Variants in ABHD2 observed in about 807,000 individuals in gnomAD.
ABHD2 encodes abhydrolase domain containing 2, acylglycerol lipase.
ABHD2 carries 20 observed loss-of-function variants against 48.1 expected under a neutral mutation model. The observed-to-expected ratio is 0.42, with a 90% CI of 0.29 to 0.60. The LOEUF (loss-of-function observed/expected upper bound fraction) is 0.60, where lower values mean the gene tolerates loss of function less well. ABHD2 is among the 20% of genes least tolerant of loss of function. ABHD2 has a pLI of 0.24. For synonymous variants in ABHD2, 209 were observed against 214.2 expected, an observed-to-expected ratio of 0.98 and a Z score of 0.21; for missense variants, 405 against 550.9, an observed-to-expected ratio of 0.74 and a Z score of 2.65.
At chr15:89,058,184 A>G in the ABHD2 span, among the ~76,000 whole-genome samples, 1 of 152,108 alleles carries the variant, frequency 6.6e-6, no homozygotes. Flanking sequence ...CTCCTTGGAG[A>G]TCCATTCCCC....
chr15:89,186,073 T>C lies in ABHD2; in HGVS notation c.815+557T>C, dbSNP rs983946961. 1.3e-5 allele frequency among the ~76,000 whole-genome samples: 2 copies of C among 152,174 alleles called. No homozygotes were observed. The highest frequency in any genetic ancestry group is 1.5e-5 in the Non-Finnish European group (1 of 68,034). On this transcript the variant is annotated intron_variant, in intron 7 of 10. Coordinates refer to ENST00000352732, the MANE Select transcript of ABHD2 (RefSeq NM_152924.5). The surrounding 1 kb of genome is among the most constrained non-coding windows in gnomAD (Gnocchi z 4.3). ...ACAATGAACCACTTCCACACCCTTT[T>C]CTCCCAAATTAGAGCAGTCACGAGG...
At chr15:89,143,024 A>G (rs1322141604) in intron 3 of ABHD2, among the ~76,000 whole-genome samples, 1 of 152,158 alleles carries the variant, frequency 6.6e-6, no homozygotes. Flanking sequence ...AATACAATAC[A>G]GTTAAATTTT....
chr15:89,089,953 A>C (rs1901527628), intron 1 of ABHD2, among the ~76,000 whole-genome samples: 1 of 152,186 alleles, frequency 6.6e-6, no homozygotes, highest in Non-Finnish European at 1.5e-5. Context: ...AAGTCTAATT[A>C]GGTGGACTCT....
rs7180950 is a variant in ABHD2, at chr15:89,174,933, C to G, written c.539-879C>G. 0.22 allele frequency among the ~76,000 whole-genome samples: 33,558 copies of G among 152,070 alleles called. 5,389 individuals carry two copies. Among genetic ancestry groups the G allele is most frequent in the African/African-American group, 0.45 (18,691 of 41,420 alleles). ...GCAAATGAGGCCCAAACAACCCTCT[C>G]TGTTAAGAGGTCTCATCTGTGTATT... On this transcript the variant is annotated intron_variant, in intron 5 of 10. Coordinates refer to ENST00000352732, the MANE Select transcript of ABHD2 (RefSeq NM_152924.5). The surrounding 1 kb of genome is among the most constrained non-coding windows in gnomAD (Gnocchi z 4.1).
intron 10 of ABHD2, 96 bp downstream of exon 10, chr15:89,193,415 C>T: frequency 1.0e-6 from 1 of 957,238 alleles, no homozygotes; most frequent in Non-Finnish European, 1.7e-6. Flanking sequence ...GGAGACCACC[C>T]TCTTTAGGGA....
the ABHD2 span, among the ~76,000 whole-genome samples, chr15:89,055,031 G>C: frequency 6.6e-6 from 1 of 152,038 alleles, no homozygotes; most frequent in South Asian, 2.1e-4. Context: ...TCCAAGACCA[G>C]CCTCGGCAAC....
At chr15:89,142,957 A>G (rs1320314881) in intron 3 of ABHD2, among the ~76,000 whole-genome samples, 1 of 152,160 alleles carries the variant, frequency 6.6e-6, no homozygotes, top group Admixed American at 6.5e-5. Context: ...CTTTGGGAAA[A>G]TATTTTCTAA....
In ABHD2 at chr15:89,094,189, A is replaced by G. The variant is rs2049574164; in HGVS notation, c.-107+5626A>G. On this transcript the variant is annotated intron_variant, in intron 1 of 10. Transcript: ENST00000352732. This position sits in a 1 kb window ranked among gnomAD's most constrained non-coding sequence, Gnocchi z 4.7. ...TTCCAGGCTAGAGTGCAGTGGCCCGATCTCGGTGCACTGCAACCTCTGCTT... is the reference window on the plus strand; with the variant it reads ...TTCCAGGCTAGAGTGCAGTGGCCCGGTCTCGGTGCACTGCAACCTCTGCTT... 6.6e-6 allele frequency: 1 copy of G among 151,666 alleles called. No homozygotes were observed. Among genetic ancestry groups the G allele is most frequent in the South Asian group, 2.1e-4 (1 of 4,786 alleles). The allele number at this position is 151,666 out of a possible 1,614,324, so 9.4% of individuals were successfully genotyped here.
chr15:89,176,021 G>A lies in ABHD2; in HGVS notation c.722+26G>A. On this transcript the variant is annotated intron_variant, in intron 6 of 10. Coordinates refer to ENST00000352732, the MANE Select transcript of ABHD2 (RefSeq NM_152924.5). The surrounding 1 kb of genome is among the most constrained non-coding windows in gnomAD (Gnocchi z 4.5). ...GTGAGTCATCTCCGCCTTCCATCAG[G>A]GCCTTCAGTTAGCCCTTATTTATAG... is the stretch of plus-strand genomic sequence containing the variant. 2 of 1,570,180 alleles carry A rather than the reference G, an allele frequency of 1.3e-6. No homozygotes were observed. Among genetic ancestry groups the A allele is most frequent in the South Asian group, 1.2e-5 (1 of 86,274 alleles).
At chr15:89,113,196 G>A (rs1469238118) in intron 1 of ABHD2, among the ~76,000 whole-genome samples, 1 of 152,158 alleles carries the variant, frequency 6.6e-6, no homozygotes, top group Non-Finnish European at 1.5e-5. Flanking sequence ...GACCCTACAA[G>A]CAATGCAATC....
rs750163635 is a variant in ABHD2 at position 89,184,445 on chromosome 15, A to G, written c.723-979A>G. Among the ~76,000 whole-genome samples the G allele has an allele frequency of 2.0e-5, 3 of 152,154 alleles. No individual in the cohort carries two copies. Among genetic ancestry groups the G allele is most frequent in the African/African-American group, 7.2e-5 (3 of 41,432 alleles). On this transcript the variant is annotated intron_variant, in intron 6 of 10. Coordinates refer to ENST00000352732, the MANE Select transcript of ABHD2 (RefSeq NM_152924.5). This position sits in a 1 kb window ranked among gnomAD's most constrained non-coding sequence, Gnocchi z 5.1. ...ATTCACAGGGTGGAGTCAGGCCTGG[A>G]GATTTTGAAACGTGCAAGATAAAAG... is the stretch of plus-strand genomic sequence containing the variant.
chr15:89,117,406 G>T (rs1353340138), intron 3 of ABHD2, among the ~76,000 whole-genome samples: 1 of 152,214 alleles, frequency 6.6e-6, no homozygotes, highest in Admixed American at 6.5e-5. Flanking sequence ...AAGGGAATCT[G>T]CACTCTGTGT....
Position 89,158,724 on chromosome 15 carries a change from T to C in ABHD2, c.538+3190T>C, listed in dbSNP as rs139235405. Among the ~76,000 whole-genome samples the C allele has an allele frequency of 8.0e-4, 122 of 152,148 alleles. 3 individuals carry two copies. In the East Asian group the frequency reaches 0.011, roughly 14 times the overall value. On this transcript the variant is annotated intron_variant, in intron 5 of 10. Coordinates refer to ENST00000352732, the MANE Select transcript of ABHD2 (RefSeq NM_152924.5). ...ATTCTTTTTGTTTTGTTTTGTTTTG[T>C]TTTTTTGAGGCAGAGTCTCACTCTG...
At chr15:89,145,524 G>A (rs1380696508) in intron 3 of ABHD2, among the ~76,000 whole-genome samples, 3 of 152,158 alleles carry the variant, frequency 2.0e-5, no homozygotes, top group Non-Finnish European at 2.9e-5. Flanking sequence ...AATGTGGGCC[G>A]TGGGGTATCA....
the ABHD2 span, among the ~76,000 whole-genome samples, chr15:89,058,897 A>G: frequency 1.3e-5 from 2 of 151,500 alleles, no homozygotes; most frequent in Non-Finnish European, 3.0e-5. Flanking sequence ...TCAAGGGCAC[A>G]GAGTGCCATT....
At chr15:89,046,731 G>C in the ABHD2 span, among the ~76,000 whole-genome samples, 1 of 152,180 alleles carries the variant, frequency 6.6e-6, no homozygotes, top group Admixed American at 6.5e-5. Flanking sequence ...AGTTCTGTGG[G>C]ATCGGTGGTG....
intron 1 of ABHD2, among the ~76,000 whole-genome samples, chr15:89,093,030 C>T (rs1293548671): frequency 2.0e-5 from 3 of 151,528 alleles, no homozygotes; most frequent in Admixed American, 6.6e-5. Flanking sequence ...GAGTGAGGAA[C>T]GCATTGGTCC....
At chr15:89,078,043 A>G in the ABHD2 span, among the ~76,000 whole-genome samples, 56,974 of 152,010 alleles carry the variant, frequency 0.37, 11,667 homozygotes, top group Non-Finnish European at 0.47. Flanking sequence ...AAGTAAATTT[A>G]CCTTTCTCTC....
At position 89,185,445 on chromosome 15, in the gene ABHD2, A is replaced by G. The variant is rs145464697; in HGVS notation, c.744A>G (p.Gln248=). The G allele has an allele frequency of 3.7e-6, 6 of 1,613,944 alleles. No homozygotes were observed. In the African/African-American group the frequency reaches 5.3e-5, roughly 14 times the overall value. Residue 248 remains glutamine (Q), a synonymous_variant, in exon 7 of 11, where the codon CAA becomes CAG. Transcript: ENST00000352732. This position sits in a 1 kb window ranked among gnomAD's most constrained non-coding sequence, Gnocchi z 5.9. ...SALRAQETFM[Q]WDQCRRFYNF... ...CCAGGGCCCAGGAAACCTTCATGCA[A>G]TGGGATCAGTGCCGGCGGTTCTACA...
Sources: allele counts gnomAD v4.1 joint callset (sites outside exome capture counted in the v4.1 genomes callset), GRCh38; gene constraint gnomAD v4.1.1; non-coding constraint Gnocchi (gnomAD v3.1); transcripts MANE v1.5; gene names NCBI Gene and HGNC (gene_info 2026-07-23, HGNC 2026-07-21).